Variants in CREBRF observed in about 807,000 individuals in gnomAD.
CREBRF encodes UPF0474 protein C5orf41.
CREBRF carries 5 observed loss-of-function variants against 66.1 expected under a neutral mutation model. The observed-to-expected ratio is 0.08, with a 90% CI of 0.04 to 0.16. The LOEUF (loss-of-function observed/expected upper bound fraction) is 0.16. Among genes scored for constraint, CREBRF ranks in the 10% least tolerant of loss-of-function variants. The probability of loss-of-function intolerance (pLI) is 1.00; values close to 1 mark genes in which losing one functional copy is unlikely to be tolerated. For synonymous variants in CREBRF, 229 were observed against 264.4 expected (o/e 0.87, Z 1.30); for missense variants, 531 against 744.9 (o/e 0.71, Z 3.34).
At chr5:173,081,991 A>G (rs897355380) in intron 2 of CREBRF, among the ~76,000 whole-genome samples, 11 of 133,534 alleles carry the variant, frequency 8.2e-5, no homozygotes, top group Non-Finnish European at 1.3e-4. Context: ...GTGGTTGCCC[A>G]TTCAAGGTTT....
In CREBRF at chr5:173,086,492, C is replaced by G. The variant is rs758436102; in HGVS notation, c.10-9C>G. ...TTAACTTTCTAAAATAAAAATCACT[C>G]TGTTGTAGCCTAGTGTAAGCGGAAT... is the stretch of plus-strand genomic sequence containing the variant. On this transcript the variant is annotated splice_polypyrimidine_tract_variant and intron_variant, in intron 2 of 8. Transcript: ENST00000296953. 1.9e-6 allele frequency: 3 copies of G among 1,609,558 alleles called. No homozygotes were observed. Among genetic ancestry groups the G allele is most frequent in the Admixed American group, 3.4e-5 (2 of 58,578 alleles).
intron 4 of CREBRF, among the ~76,000 whole-genome samples, chr5:173,094,822 G>A (rs1758439457): frequency 6.6e-6 from 1 of 152,098 alleles, no homozygotes; most frequent in Non-Finnish European, 1.5e-5. Context: ...TTTGTTGCTA[G>A]TGCTTTTAGA....
chr5:173,107,755 G>A (rs1403669809), intron 4 of CREBRF, among the ~76,000 whole-genome samples: 1 of 151,744 alleles, frequency 6.6e-6, no homozygotes, highest in African/African-American at 2.4e-5. Context: ...CCAGAGGACT[G>A]CTTGTGAACC....
intron 7 of CREBRF, among the ~76,000 whole-genome samples, chr5:173,122,239 C>T (rs1394547448): frequency 6.6e-6 from 1 of 152,118 alleles, no homozygotes; most frequent in African/African-American, 2.4e-5. Context: ...ATAGCTGTGA[C>T]TATAGGCACA....
intron 8 of CREBRF, among the ~76,000 whole-genome samples, chr5:173,129,852 A>T (rs1223338019): frequency 6.6e-6 from 1 of 152,034 alleles, no homozygotes. Flanking sequence ...TTTGAGACAG[A>T]GTCTCGCTCT....
intron 1 of CREBRF, among the ~76,000 whole-genome samples, chr5:173,067,872 C>T (rs184246692): frequency 2.0e-5 from 3 of 152,012 alleles, no homozygotes; most frequent in East Asian, 1.9e-4. Flanking sequence ...TGGTGGCGGG[C>T]ACCTGTAGTC....
At chr5:173,127,830 C>G (rs1296579764) in intron 8 of CREBRF, among the ~76,000 whole-genome samples, 2 of 152,086 alleles carry the variant, frequency 1.3e-5, no homozygotes, top group African/African-American at 4.8e-5. Flanking sequence ...TGATAATTTA[C>G]GTATTCCTGA....
At chr5:173,067,944 G>A (rs2113672307) in intron 1 of CREBRF, among the ~76,000 whole-genome samples, 1 of 152,132 alleles carries the variant, frequency 6.6e-6, no homozygotes, top group South Asian at 2.1e-4. Flanking sequence ...AGCTTGCAGT[G>A]AGCCAAGATC....
At chr5:173,084,807 A>G (rs989320129) in intron 2 of CREBRF, among the ~76,000 whole-genome samples, 1 of 151,730 alleles carries the variant, frequency 6.6e-6, no homozygotes, top group Non-Finnish European at 1.5e-5. Context: ...ACACCCGGCT[A>G]ATTTTGTCTT....
intron 1 of CREBRF, among the ~76,000 whole-genome samples, chr5:173,073,880 T>C (rs1478614503): frequency 1.3e-5 from 2 of 152,052 alleles, no homozygotes; most frequent in Admixed American, 1.3e-4. Context: ...GGCAGGAGAA[T>C]TGCTTGAACC....
chr5:173,071,007 T>C (rs1421249099), intron 1 of CREBRF, among the ~76,000 whole-genome samples: 1 of 152,118 alleles, frequency 6.6e-6, no homozygotes. Context: ...TGTCACAGTC[T>C]GGTAGTGGAA....
chr5:173,123,692 A>G (rs966469879), intron 8 of CREBRF: 4 of 153,422 alleles, frequency 2.6e-5, no homozygotes, highest in Non-Finnish European at 4.3e-5. Context: ...TAGTATAGAC[A>G]TAGACATGAG....
At chr5:173,102,268 T>C (rs1016632056) in intron 4 of CREBRF, among the ~76,000 whole-genome samples, 1 of 152,232 alleles carries the variant, frequency 6.6e-6, no homozygotes, top group African/African-American at 2.4e-5. Context: ...GCTAGTGTCA[T>C]TTGTCCCTGA....
At chr5:173,085,510 A>G (rs1204217789) in intron 2 of CREBRF, 2 of 546,186 alleles carry the variant, frequency 3.7e-6, no homozygotes, top group Non-Finnish European at 6.5e-6. Context: ...TTCGCCTCCC[A>G]GGTTCAAGCG....
chr5:173,086,509 A>T lies in CREBRF; in HGVS notation c.18A>T (p.Val6=), dbSNP rs747504238. The T allele has an allele frequency of 2.0e-5, 33 of 1,614,002 alleles. No homozygotes were observed. The highest frequency in any genetic ancestry group is 2.8e-5 in the Non-Finnish European group (33 of 1,179,970). The change falls in exon 3 of 9, where the codon GTA becomes GTT. Residue 6 remains valine (V), a synonymous_variant. Coordinates refer to ENST00000296953, the MANE Select transcript of CREBRF (RefSeq NM_153607.3). ...AAATCACTCTGTTGTAGCCTAGTGT[A>T]AGCGGAATGGATCCGCCTTTCGGGG... is the stretch of plus-strand genomic sequence containing the variant. MPQPS[V]SGMDPPFGDA...
Position 173,120,221 on chromosome 5 carries a change from G to A in CREBRF, c.1682-2859G>A, listed in dbSNP as rs1162851762. On this transcript the variant is annotated intron_variant, in intron 7 of 8. Transcript: ENST00000296953. Reference sequence around the variant, plus strand: ...TTTTTTGTTTGACAAAGTTTTATAAGATCAATTTTATTTCTTCATTGTATC... The same window carrying A: ...TTTTTTGTTTGACAAAGTTTTATAAAATCAATTTTATTTCTTCATTGTATC... 2.6e-5 allele frequency among the ~76,000 whole-genome samples: 4 copies of A among 152,044 alleles called. No homozygotes were observed. The East Asian group carries it at 7.7e-4, about 29-fold the overall frequency.
Position 173,090,891 on chromosome 5 carries a change from G to T in CREBRF, c.712G>T (p.Ala238Ser), listed in dbSNP as rs772132366. Residue 238 changes from alanine to serine, a missense_variant, in exon 4 of 9, where the codon GCA (alanine) becomes TCA (serine). This residue lies in a region of CREBRF where 309 missense variants were observed against 341.4 expected (regional missense o/e 0.90). Transcript: ENST00000296953. The surrounding 1 kb of genome is among the most constrained non-coding windows in gnomAD (Gnocchi z 4.5). ...HVECKDYVKK[A>S]KVKINPVQQS... ...TGAATGTAAAGACTATGTAAAAAAG[G>T]CAAAGGTAAAGATCAACCCAGTGCA... 2 of 1,614,154 alleles carry T rather than the reference G, an allele frequency of 1.2e-6. No individual in the cohort carries two copies. Among genetic ancestry groups the T allele is most frequent in the Admixed American group, 3.3e-5 (2 of 60,002 alleles).
intron 8 of CREBRF, among the ~76,000 whole-genome samples, chr5:173,129,979 C>G (rs1759378154): frequency 6.6e-6 from 1 of 152,090 alleles, no homozygotes; most frequent in Non-Finnish European, 1.5e-5. Flanking sequence ...GCACATGCCA[C>G]CACGCCTGGC....
Position 173,090,187 on chromosome 5 carries a change from C to T in CREBRF, c.136-128C>T, listed in dbSNP as rs567296550. On this transcript the variant is annotated intron_variant, in intron 3 of 8. Transcript: ENST00000296953. This position sits in a 1 kb window ranked among gnomAD's most constrained non-coding sequence, Gnocchi z 4.5. ...GATGACATTATATGAAATGATAAAGCGTCCTGTCAGTAGCCTTTATGTTAA... is the reference window on the plus strand; with the variant it reads ...GATGACATTATATGAAATGATAAAGTGTCCTGTCAGTAGCCTTTATGTTAA... The T allele has an allele frequency of 4.3e-5, 25 of 587,330 alleles. No individual in the cohort carries two copies. The South Asian group carries it at 4.3e-4, about 10-fold the overall frequency. 36.4% of individuals were successfully genotyped at this position (587,330 alleles called of 1,614,324 possible). A position where few individuals can be genotyped will look rare whatever the true frequency, so the allele number is the denominator to read the frequency against.
Sources: gnomAD v4.1 joint callset for allele counts (sites outside exome capture counted in the v4.1 genomes callset) on GRCh38, gnomAD v4.1.1 for gene constraint, gnomAD v4.1.1 regional missense constraint, Gnocchi (gnomAD v3.1) non-coding constraint, MANE v1.5 for transcripts, NCBI Gene and HGNC (gene_info 2026-07-23, HGNC 2026-07-21) for gene names.